The following TPM4 variants were observed in gnomAD, a reference collection of about 807,000 sequenced individuals.
The protein encoded by TPM4 is tropomyosin 4.
TPM4 carries 17 observed loss-of-function variants against 35.8 expected under a neutral mutation model. The ratio of observed to expected loss-of-function variants is 0.47; its 90% CI spans 0.32 to 0.71. The LOEUF is 0.71. Ranked by LOEUF, TPM4 falls within the 30% of genes least tolerant of loss-of-function variation. TPM4 has a pLI of 0.03. For synonymous variants in TPM4, 120 were observed against 122.9 expected (o/e 0.98, Z 0.15); for missense variants, 240 against 320.9 (o/e 0.75, Z 1.93).
In TPM4 at chr19:16,089,254, G is replaced by A. The variant is rs2090596900; in HGVS notation, c.531+134G>A. Reference sequence around the variant, plus strand: ...AGTAGCGTTGGTGCCTGGCAGCCAGGGTTTTTCCCCTACAGAAAGAGCTGG... The same window carrying A: ...AGTAGCGTTGGTGCCTGGCAGCCAGAGTTTTTCCCCTACAGAAAGAGCTGG... On this transcript the variant is annotated intron_variant, in intron 5 of 7. Transcript: ENST00000643579. The A allele has an allele frequency of 5.5e-5, 64 of 1,170,826 alleles. No individual in the cohort carries two copies. In the South Asian group the frequency reaches 8.1e-4, roughly 15 times the overall value. 72.5% of individuals were successfully genotyped at this position (1,170,826 alleles called of 1,614,324 possible).
rs529064489 is a variant in TPM4, at chr19:16,069,779, G to T, written c.114+2041G>T. ...GCATGTGTGGATGAGTGTGTGTTTC[G>T]ATTGGTGTGTGTGTGAATGAGTGTG... On this transcript the variant is annotated intron_variant, in intron 2 of 2. Transcript: ENST00000589897. Among the ~76,000 whole-genome samples, 247 of 147,522 alleles carry T rather than the reference G, an allele frequency of 1.7e-3. 1 individual carries two copies. Among genetic ancestry groups the T allele is most frequent in the Non-Finnish European group, 2.9e-3 (195 of 66,338 alleles).
At chr19:16,095,606 T>C in intron 7 of TPM4, 1 of 1,008,802 alleles carries the variant, frequency 9.9e-7, no homozygotes, top group Non-Finnish European at 1.2e-6. Flanking sequence ...GTGGTTAGCC[T>C]CTCTCACTCA....
upstream of TPM4, among the ~76,000 whole-genome samples, chr19:16,073,061 C>G (rs556245767): frequency 6.6e-6 from 1 of 152,080 alleles, no homozygotes. Context: ...AACCCCAAAC[C>G]AGCCAGGTGG....
Position 16,067,774 on chromosome 19 carries a change from G to A in TPM4, c.114+36G>A, listed in dbSNP as rs769819477. 6.3e-7 allele frequency: 1 copy of A among 1,598,100 alleles called. No individual in the cohort carries two copies. The highest frequency in any genetic ancestry group is 8.5e-7 in the Non-Finnish European group (1 of 1,173,438). ...CTCCGCTGGGCCGCTCCGGGCTGCT[G>A]GGAGTCCTCTCTGTGCGGAAGGCCG... On this transcript the variant is annotated intron_variant, in intron 2 of 2. Coordinates refer to the TPM4 transcript ENST00000589897. The surrounding 1 kb of genome is among the most constrained non-coding windows in gnomAD (Gnocchi z 4.1).
chr19:16,087,898 C>T (rs1379548813), intron 3 of TPM4, 129 bp from the exon 4 acceptor site: 3 of 965,962 alleles, frequency 3.1e-6, no homozygotes, highest in Non-Finnish European at 4.8e-6. Context: ...AAAAAAGAAA[C>T]ACCAGAAAAA....
chr19:16,068,075 G>A, intron 2 of TPM4: 1 of 378,896 alleles, frequency 2.6e-6, no homozygotes, highest in Non-Finnish European at 4.8e-6. Context: ...GGGACATGCT[G>A]TGTGTGTGTA....
chr19:16,069,627 TGGGTGA>T, intron 2 of TPM4, among the ~76,000 whole-genome samples: 3 of 149,404 alleles, frequency 2.0e-5, no homozygotes, highest in South Asian at 4.2e-4. Flanking sequence ...TGTGTGTGTG[TGGGTGA>T]GTGTGTGTTT....
At chr19:16,093,139 G>C in intron 5 of TPM4, 1 of 187,180 alleles carries the variant, frequency 5.3e-6, no homozygotes. Context: ...ACAGGTGAGA[G>C]CCACCACACC....
upstream of TPM4, chr19:16,076,072 A>G (rs772537434): frequency 1.2e-5 from 19 of 1,577,110 alleles, no homozygotes; most frequent in Middle Eastern, 3.4e-4. Flanking sequence ...ACGCACCTCC[A>G]GAAGAAACTA....
rs2090703183 is a variant in TPM4, at chr19:16,096,799, C to T, written c.664+3046C>T. Among the ~76,000 whole-genome samples, 4 of 152,244 alleles carry T rather than the reference C, an allele frequency of 2.6e-5. No homozygotes were observed. In the South Asian group the frequency reaches 8.3e-4, roughly 32 times the overall value. ...TTCCAGAATTGCCTGAGACTGCTAA[C>T]ATCAATCTCCATTCATATTTCAGTT... On this transcript the variant is annotated intron_variant, in intron 7 of 7. Coordinates refer to ENST00000643579, the MANE Select transcript of TPM4 (RefSeq NM_003290.3).
At chr19:16,093,264 C>T (rs1251007097) in intron 5 of TPM4, 7 of 426,544 alleles carry the variant, frequency 1.6e-5, no homozygotes, top group East Asian at 1.4e-4. Context: ...GGCGTGATCT[C>T]GGCTCACTGC....
intron 7 of TPM4, among the ~76,000 whole-genome samples, chr19:16,097,454 A>G (rs1568312626): frequency 6.6e-6 from 1 of 151,880 alleles, no homozygotes. Context: ...TTGTATTTTT[A>G]GTAGAGACAG....
upstream of TPM4, among the ~76,000 whole-genome samples, chr19:16,073,458 C>T (rs2090373981): frequency 1.3e-5 from 2 of 152,232 alleles, no homozygotes; most frequent in South Asian, 4.1e-4. Flanking sequence ...CAGAGACCAG[C>T]ATGTCAAGGT....
rs111393007 is a variant in TPM4, at chr19:16,087,912, A to G, written c.385-115A>G. On this transcript the variant is annotated intron_variant, in intron 3 of 7. Transcript: ENST00000643579. The stretch of plus-strand genomic sequence containing the variant: ...AAAAAAAGAAACACCAGAAAAACCC[A>G]TGTTGCAGCTGGTCTAGGGGTCTGG... The G allele has an allele frequency of 8.1e-3, 8,823 of 1,086,488 alleles. 52 individuals are homozygous for G. The highest frequency in any genetic ancestry group is 1.0e-2 in the Non-Finnish European group (7,332 of 733,586). 67.3% of individuals were successfully genotyped at this position (1,086,488 alleles called of 1,614,324 possible).
intron 7 of TPM4, among the ~76,000 whole-genome samples, chr19:16,097,043 T>C (rs1438241622): frequency 7.2e-6 from 1 of 138,612 alleles, no homozygotes; most frequent in Non-Finnish European, 1.5e-5. Flanking sequence ...AACCTCCGCC[T>C]CCTGGGTTCA....
chr19:16,088,243 G>A, intron 4 of TPM4, 146 bp downstream of exon 4: 1 of 1,426,526 alleles, frequency 7.0e-7, no homozygotes. Context: ...TTTTCTCTTG[G>A]CTTCTGTGAC....
At position 16,070,707 on chromosome 19, in the gene TPM4, A is replaced by T. The variant is rs2090348232; in HGVS notation, c.114+2969A>T. On this transcript the variant is annotated intron_variant, in intron 2 of 2. Transcript: ENST00000589897. The surrounding 1 kb of genome is among the most constrained non-coding windows in gnomAD (Gnocchi z 7.4). ...CTCAGAGTAAGCACTCAATAAATGT[A>T]GGTTGATTTCCTGCCCCGCCCTACT... Among the ~76,000 whole-genome samples the T allele has an allele frequency of 6.6e-6, 1 of 152,156 alleles. No individual in the cohort carries two copies. The highest frequency in any genetic ancestry group is 2.4e-5 in the African/African-American group (1 of 41,440).
intron 2 of TPM4, among the ~76,000 whole-genome samples, chr19:16,082,762 C>T (rs535362257): frequency 2.0e-4 from 30 of 152,196 alleles, no homozygotes; most frequent in African/African-American, 5.1e-4. Context: ...GAGGCAGAGG[C>T]GGGCAAATCG....
At chr19:16,089,667 A>G (rs116217947) in intron 5 of TPM4, among the ~76,000 whole-genome samples, 1 of 104,408 alleles carries the variant, frequency 9.6e-6, no homozygotes, top group Non-Finnish European at 1.9e-5. Context: ...TCCACCCCCC[A>G]CTTTTTTTTT....
Sources: allele counts gnomAD v4.1 joint callset (sites outside exome capture counted in the v4.1 genomes callset), GRCh38; gene constraint gnomAD v4.1.1; non-coding constraint Gnocchi (gnomAD v3.1); transcripts MANE v1.5; gene names NCBI Gene and HGNC (gene_info 2026-07-23, HGNC 2026-07-21).